Variants in NTM observed in about 807,000 individuals in gnomAD.
The protein encoded by NTM is IgLON family member 2.
A neutral mutation model predicts 42.1 loss-of-function variants in NTM; 13 were observed. That is an observed-to-expected ratio of 0.31 (90% CI 0.20 to 0.49). NTM has a LOEUF of 0.49. Among genes scored for constraint, NTM ranks in the 20% least tolerant of loss-of-function variants. NTM has a pLI of 0.99. For synonymous variants in NTM, 187 were observed against 179.2 expected (o/e 1.04, Z -0.35); for missense variants, 373 against 452.8 (o/e 0.82, Z 1.60).
At chr11:131,502,375 G>A (rs937226170) in intron 1 of NTM, among the ~76,000 whole-genome samples, 1 of 152,162 alleles carries the variant, frequency 6.6e-6, no homozygotes, top group Admixed American at 6.5e-5. Context: ...TTCAGAACTA[G>A]GAGAAATCAG....
In NTM at chr11:131,388,695, G is replaced by A. The variant is rs147920275; in HGVS notation, c.82+17807G>A. On this transcript the variant is annotated intron_variant, in intron 1 of 8. Transcript: ENST00000683400. Reference sequence around the variant, plus strand: ...AGATCTGTATTTGGGGAAAGAGAAAGCAAGGAAGAGAATATAGGGAGAAAG... The same window carrying A: ...AGATCTGTATTTGGGGAAAGAGAAAACAAGGAAGAGAATATAGGGAGAAAG... Among the ~76,000 whole-genome samples, 289 of 152,118 alleles carry A rather than the reference G, an allele frequency of 1.9e-3. 3 individuals carry two copies. Among genetic ancestry groups the A allele is most frequent in the African/African-American group, 6.6e-3 (274 of 41,492 alleles).
intron 1 of NTM, among the ~76,000 whole-genome samples, chr11:131,528,634 C>T (rs1347213851): frequency 6.6e-6 from 1 of 152,198 alleles, no homozygotes; most frequent in African/African-American, 2.4e-5. Flanking sequence ...AGTTCTGCTG[C>T]TAACTGGAGT....
chr11:131,911,052 C>A, intron 1 of NTM: 2 of 1,056,658 alleles, frequency 1.9e-6, no homozygotes, highest in South Asian at 3.5e-5. Flanking sequence ...GACTGCAGAC[C>A]GCCTCTGGGT....
chr11:131,793,517 C>T (rs1233715792), intron 1 of NTM, among the ~76,000 whole-genome samples: 1 of 152,202 alleles, frequency 6.6e-6, no homozygotes, highest in Non-Finnish European at 1.5e-5. Context: ...ATTTTTAAAA[C>T]TGAGTAGCAG....
intron 3 of NTM, among the ~76,000 whole-genome samples, chr11:132,156,210 T>A (rs1427462017): frequency 1.3e-5 from 2 of 152,166 alleles, no homozygotes; most frequent in African/African-American, 2.4e-5. Context: ...GAGTTGATAG[T>A]CCTGGAGGCC....
intron 3 of NTM, among the ~76,000 whole-genome samples, chr11:132,190,464 G>A (rs1371628268): frequency 6.6e-6 from 1 of 152,168 alleles, no homozygotes; most frequent in African/African-American, 2.4e-5. Flanking sequence ...AGGGCCGGGT[G>A]TGGTGGCTCA....
At chr11:131,457,076 G>A (rs1565520386) in intron 1 of NTM, among the ~76,000 whole-genome samples, 1 of 152,200 alleles carries the variant, frequency 6.6e-6, no homozygotes, top group Non-Finnish European at 1.5e-5. Context: ...TATCTATCAA[G>A]CATACTTTCT....
intron 2 of NTM, among the ~76,000 whole-genome samples, chr11:132,078,308 G>A (rs966679827): frequency 2.0e-5 from 3 of 152,224 alleles, no homozygotes; most frequent in Admixed American, 6.5e-5. Context: ...GTGCGGCTTC[G>A]AACCTCAGCA....
intron 2 of NTM, among the ~76,000 whole-genome samples, chr11:132,086,983 G>A (rs2136347567): frequency 6.6e-6 from 1 of 152,308 alleles, no homozygotes; most frequent in South Asian, 2.1e-4. Context: ...TTCCAAAGGA[G>A]CCTCAGAGGT....
chr11:131,586,884 C>A (rs1358299535), intron 1 of NTM, among the ~76,000 whole-genome samples: 1 of 152,184 alleles, frequency 6.6e-6, no homozygotes, highest in East Asian at 1.9e-4. Flanking sequence ...TTATCTCACA[C>A]TAACCGTTTC....
chr11:132,105,537 G>C (rs762145132), intron 2 of NTM, among the ~76,000 whole-genome samples: 1 of 152,072 alleles, frequency 6.6e-6, no homozygotes. Flanking sequence ...GGAAGACCAC[G>C]GTAAGCAGGA....
intron 4 of NTM, among the ~76,000 whole-genome samples, chr11:132,248,542 C>T (rs2091525857): frequency 6.6e-6 from 1 of 152,134 alleles, no homozygotes; most frequent in East Asian, 1.9e-4. Flanking sequence ...CCTGGTCTCA[C>T]CTAGCACCTA....
chr11:131,998,798 T>A (rs1369320927), intron 2 of NTM, among the ~76,000 whole-genome samples: 1 of 152,118 alleles, frequency 6.6e-6, no homozygotes, highest in Non-Finnish European at 1.5e-5. Context: ...AGGGCAAGAA[T>A]GATCGGTGGG....
chr11:132,134,452 G>C (rs73593372), intron 2 of NTM, among the ~76,000 whole-genome samples: 4,472 of 151,776 alleles, frequency 0.029, 209 homozygotes, highest in African/African-American at 0.1. Context: ...GTGTACCCAA[G>C]GTGTTGTCTT....
At chr11:132,147,261 C>G (rs2070740933) in intron 3 of NTM, among the ~76,000 whole-genome samples, 1 of 151,624 alleles carries the variant, frequency 6.6e-6, no homozygotes. Context: ...TGGTTATGCT[C>G]TCTTAGACCC....
intron 1 of NTM, among the ~76,000 whole-genome samples, chr11:131,384,563 AAGAG>A (rs10564193): frequency 6.6e-6 from 1 of 150,876 alleles, no homozygotes; most frequent in Non-Finnish European, 1.5e-5. Flanking sequence ...TTCTAATTTA[AAGAG>A]AGAGAGAGAG....
At chr11:131,703,224 A>T (rs1445379646) in intron 1 of NTM, among the ~76,000 whole-genome samples, 3 of 152,184 alleles carry the variant, frequency 2.0e-5, no homozygotes, top group Non-Finnish European at 2.9e-5. Flanking sequence ...TATGTAAAAT[A>T]CTCTCTTCAC....
In NTM at chr11:131,659,117, C is replaced by A. The variant is rs535720299; in HGVS notation, c.83-252447C>A. ...CAGGGTCCAGAGCAGGGGAAATATT[C>A]AAGGAACTGCTGCCTCTGATGTCTC... On this transcript the variant is annotated intron_variant, in intron 1 of 8. Transcript: ENST00000683400. 5.3e-5 allele frequency among the ~76,000 whole-genome samples: 8 copies of A among 152,312 alleles called. No individual in the cohort carries two copies. The South Asian group carries it at 1.7e-3, about 32-fold the overall frequency.
chr11:131,543,972 G>T (rs138032419), intron 1 of NTM, among the ~76,000 whole-genome samples: 1 of 152,156 alleles, frequency 6.6e-6, no homozygotes, highest in African/African-American at 2.4e-5. Flanking sequence ...GTGGCCTCTC[G>T]TCTCTTCCCA....
Sources: gnomAD v4.1 joint callset for allele counts (sites outside exome capture counted in the v4.1 genomes callset) on GRCh38, gnomAD v4.1.1 for gene constraint, MANE v1.5 for transcripts, NCBI Gene and HGNC (gene_info 2026-07-23, HGNC 2026-07-21) for gene names.